Variants in TSHZ1 observed in about 807,000 individuals in gnomAD.
TSHZ1 encodes teashirt homolog 1.
Under a neutral mutation model 67.1 loss-of-function variants are expected in TSHZ1, and 12 were observed. That is an observed-to-expected ratio of 0.18 (90% CI 0.11 to 0.29). The LOEUF (loss-of-function observed/expected upper bound fraction) is 0.29. Among genes scored for constraint, TSHZ1 ranks in the 10% least tolerant of loss-of-function variants. The probability of loss-of-function intolerance (pLI) is 1.00; values close to 1 mark genes in which losing one functional copy is unlikely to be tolerated. For synonymous variants in TSHZ1, 632 were observed against 622.4 expected, an observed-to-expected ratio of 1.02 and a Z score of -0.23; for missense variants, 1,305 against 1,413.9, an observed-to-expected ratio of 0.92 and a Z score of 1.23.
intron 1 of TSHZ1, among the ~76,000 whole-genome samples, chr18:75,234,542 GAAT>G (rs1459955150): frequency 6.6e-6 from 1 of 152,104 alleles, no homozygotes; most frequent in African/African-American, 2.4e-5. Context: ...GATGCTCTGG[GAAT>G]AATAACTGCT....
intron 1 of TSHZ1, among the ~76,000 whole-genome samples, chr18:75,232,556 T>C (rs1198827042): frequency 6.6e-6 from 1 of 152,238 alleles, no homozygotes; most frequent in Non-Finnish European, 1.5e-5. Context: ...TCTGAGGGTC[T>C]GAAACACGTC....
chr18:75,232,997 G>C (rs2023020007), intron 1 of TSHZ1, among the ~76,000 whole-genome samples: 1 of 152,184 alleles, frequency 6.6e-6, no homozygotes. Flanking sequence ...CTGTATTGGT[G>C]CACAGCCCAT....
intron 1 of TSHZ1, among the ~76,000 whole-genome samples, chr18:75,247,006 G>T (rs1301968752): frequency 6.6e-6 from 1 of 152,164 alleles, no homozygotes; most frequent in African/African-American, 2.4e-5. Flanking sequence ...GTTTGAGCCT[G>T]CAGTGTTTTG....
In TSHZ1 at chr18:75,288,294, C is replaced by G; in HGVS notation, c.2887C>G (p.Leu963Val). ...AGGGGGAACGAAATTCCTAAAGAAC[C>G]TGGACACAGGGCATCCTGTTTTCTT... ...RTGGTKFLKN[L>V]DTGHPVFFCN... The change falls in exon 2 of 2, where the codon CTG (leucine) becomes GTG (valine). Residue 963 changes from leucine to valine, a missense_variant. Transcript: ENST00000580243. The surrounding 1 kb of genome is among the most constrained non-coding windows in gnomAD (Gnocchi z 4.9). 1 of 1,614,212 alleles carries G rather than the reference C, an allele frequency of 6.2e-7. No individual in the cohort carries two copies. Among genetic ancestry groups the G allele is most frequent in the Non-Finnish European group, 8.5e-7 (1 of 1,180,038 alleles).
chr18:75,254,591 T>C (rs1439312421), intron 1 of TSHZ1, among the ~76,000 whole-genome samples: 1 of 152,128 alleles, frequency 6.6e-6, no homozygotes, highest in Admixed American at 6.5e-5. Context: ...AAATTAAAAG[T>C]AGTAAATTGG....
intron 1 of TSHZ1, among the ~76,000 whole-genome samples, chr18:75,271,399 T>C (rs896420191): frequency 6.6e-6 from 1 of 152,186 alleles, no homozygotes; most frequent in Non-Finnish European, 1.5e-5. Context: ...TCTTTTTAGC[T>C]GGGAAACTTT....
At chr18:75,269,307 T>A (rs2023529030) in intron 1 of TSHZ1, among the ~76,000 whole-genome samples, 1 of 152,210 alleles carries the variant, frequency 6.6e-6, no homozygotes, top group Non-Finnish European at 1.5e-5. Flanking sequence ...GAACAGCTAC[T>A]TTGTTCCAGG....
chr18:75,244,253 C>T (rs1030412036), intron 1 of TSHZ1, among the ~76,000 whole-genome samples: 3 of 152,104 alleles, frequency 2.0e-5, no homozygotes, highest in Non-Finnish European at 2.9e-5. Context: ...GGTTGTGCCC[C>T]TTTTAACTCT....
At chr18:75,250,305 C>T (rs955332992) in intron 1 of TSHZ1, among the ~76,000 whole-genome samples, 2 of 152,198 alleles carry the variant, frequency 1.3e-5, no homozygotes, top group Non-Finnish European at 2.9e-5. Context: ...CCACGCTCCA[C>T]GCCCACACCC....
chr18:75,250,324 C>T (rs1187474471), intron 1 of TSHZ1, among the ~76,000 whole-genome samples: 5 of 152,196 alleles, frequency 3.3e-5, no homozygotes, highest in South Asian at 2.1e-4. Flanking sequence ...CCTCGCCCCA[C>T]TTGCCCAGCC....
At chr18:75,238,963 C>T (rs1017905628) in intron 1 of TSHZ1, among the ~76,000 whole-genome samples, 3 of 152,342 alleles carry the variant, frequency 2.0e-5, no homozygotes, top group Middle Eastern at 6.8e-3. Flanking sequence ...TACCTGGCCT[C>T]ACGCACTGTC....
chr18:75,272,037 G>A (rs1423197946), intron 1 of TSHZ1, among the ~76,000 whole-genome samples: 4 of 152,164 alleles, frequency 2.6e-5, no homozygotes, highest in Admixed American at 2.6e-4. Flanking sequence ...ATAAGTAATG[G>A]AAACAGGTTA....
Position 75,285,899 on chromosome 18 carries a change from CGTCAGCACCACTGG to C in TSHZ1, c.493_506del (p.Val165ProfsTer50). On this transcript the variant is annotated frameshift_variant, in exon 2 of 2. Transcript: ENST00000580243. LOFTEE classifies it high-confidence loss of function. ...CCACCCCCACACCCCCCACCTGCCC[CGTCAGCACCACTGG>C]CCCCACCACGAGCACGCCCAGCACC... is the stretch of plus-strand genomic sequence containing the variant. 6.5e-7 allele frequency: 1 copy of C among 1,532,202 alleles called. No homozygotes were observed. The allele number at this position is 1,532,202 out of a possible 1,614,324, so 94.9% of individuals were successfully genotyped here.
In TSHZ1 at chr18:75,287,847, A is replaced by G; in HGVS notation, c.2440A>G (p.Lys814Glu). 1 of 1,614,144 alleles carries G rather than the reference A, an allele frequency of 6.2e-7. No homozygotes were observed. The highest frequency in any genetic ancestry group is 8.5e-7 in the Non-Finnish European group (1 of 1,180,038). The change falls in exon 2 of 2, where the codon AAG becomes GAG. Residue 814 changes from lysine (K) to glutamate (E), a missense_variant. By Grantham distance (56) the Lys-to-Glu change is moderately conservative. Coordinates refer to ENST00000580243, the MANE Select transcript of TSHZ1 (RefSeq NM_001308210.2). This position sits in a 1 kb window ranked among gnomAD's most constrained non-coding sequence, Gnocchi z 5.0. ...ENSDQPIDLTKSKNKPLVSSV... is the reference protein window; with the variant it reads ...ENSDQPIDLTESKNKPLVSSV... ...CAGCGACCAGCCCATTGACTTAACC[A>G]AGTCCAAGAACAAGCCGCTGGTGTC...
At chr18:75,256,488 T>G (rs537471784) in intron 1 of TSHZ1, among the ~76,000 whole-genome samples, 3 of 152,210 alleles carry the variant, frequency 2.0e-5, no homozygotes, top group Non-Finnish European at 4.4e-5. Context: ...TATCATTGCC[T>G]TTACTGGATA....
intron 1 of TSHZ1, among the ~76,000 whole-genome samples, chr18:75,269,659 A>C (rs2023533947): frequency 6.6e-6 from 1 of 152,192 alleles, no homozygotes; most frequent in South Asian, 2.1e-4. Flanking sequence ...ACGATATATA[A>C]AATTATATTA....
At chr18:75,273,837 C>G (rs932890862) in intron 1 of TSHZ1, among the ~76,000 whole-genome samples, 2 of 152,258 alleles carry the variant, frequency 1.3e-5, no homozygotes, top group Non-Finnish European at 2.9e-5. Context: ...GTCTAACCAT[C>G]AGATCCAGTT....
intron 1 of TSHZ1, among the ~76,000 whole-genome samples, chr18:75,235,069 T>TCACACCCGTGTTGTGAGAGG (rs1362389569): frequency 6.6e-6 from 1 of 152,184 alleles, no homozygotes; most frequent in Non-Finnish European, 1.5e-5. Context: ...CGTCAGCGTG[T>TCACACCCGTGTTGTGAGAGG]CACACCCGTG....
intron 1 of TSHZ1, among the ~76,000 whole-genome samples, chr18:75,229,057 T>G (rs1244756142): frequency 6.6e-6 from 1 of 152,246 alleles, no homozygotes; most frequent in African/African-American, 2.4e-5. Context: ...ATAGAGGAGC[T>G]CTCAAAGTGA....
Sources: allele counts gnomAD v4.1 joint callset (sites outside exome capture counted in the v4.1 genomes callset), GRCh38; gene constraint gnomAD v4.1.1; non-coding constraint Gnocchi (gnomAD v3.1); transcripts MANE v1.5; gene names NCBI Gene and HGNC (gene_info 2026-07-23, HGNC 2026-07-21).